The following SNX29 variants were observed in gnomAD, a reference collection of about 807,000 sequenced individuals.
SNX29 encodes sorting nexin-29.
SNX29 carries 78 observed loss-of-function variants against 102.1 expected under a neutral mutation model. The ratio of observed to expected loss-of-function variants is 0.76; its 90% CI spans 0.64 to 0.92. The LOEUF (loss-of-function observed/expected upper bound fraction) is 0.92. SNX29 is among the 40% of genes least tolerant of loss of function. The probability of loss-of-function intolerance (pLI) is 0.00; values close to 1 mark genes in which losing one functional copy is unlikely to be tolerated. For synonymous variants in SNX29, 580 were observed against 414.5 expected (o/e 1.40, Z -4.85); for missense variants, 1,280 against 1,061.7 (o/e 1.21, Z -2.86).
At chr16:12,205,784 C>G (rs375537178) in intron 14 of SNX29, among the ~76,000 whole-genome samples, 1 of 152,238 alleles carries the variant, frequency 6.6e-6, no homozygotes. Context: ...TTGTTTCTTC[C>G]CGGTGTTCCA....
chr16:12,291,757 G>A (rs988681113), intron 15 of SNX29, among the ~76,000 whole-genome samples: 3 of 152,228 alleles, frequency 2.0e-5, no homozygotes, highest in African/African-American at 7.2e-5. Flanking sequence ...ATGGAGAAGG[G>A]AGATTGGGGA....
intron 4 of SNX29, among the ~76,000 whole-genome samples, chr16:12,036,428 G>A (rs1467231268): frequency 4.0e-5 from 6 of 149,574 alleles, no homozygotes; most frequent in African/African-American, 7.4e-5. Context: ...TCCGCCTCCC[G>A]GATTCACGCC....
Position 12,247,332 on chromosome 16 carries a change from A to C in SNX29, c.1679-30601A>C, listed in dbSNP as rs140824116. ...AGTCCATGGCTTGCATTTTTCGACA[A>C]AACTCTATTATCAGGATATATTCCT... On this transcript the variant is annotated intron_variant, in intron 14 of 20. Transcript: ENST00000566228. 2.6e-4 allele frequency among the ~76,000 whole-genome samples: 39 copies of C among 152,324 alleles called. 1 individual carries two copies. The highest frequency in any genetic ancestry group is 9.1e-4 in the African/African-American group (38 of 41,574).
intron 11 of SNX29, among the ~76,000 whole-genome samples, chr16:12,112,419 G>A (rs2053535589): frequency 6.6e-6 from 1 of 152,190 alleles, no homozygotes. Context: ...CGTGGCTGCT[G>A]AGGTGGAGAT....
chr16:11,982,920 A>T (rs568622643), intron 1 of SNX29, among the ~76,000 whole-genome samples: 75 of 152,020 alleles, frequency 4.9e-4, no homozygotes, highest in Non-Finnish European at 5.7e-4. Flanking sequence ...TATTAAAAAA[A>T]ATTTTTTTTA....
chr16:12,424,567 G>A (rs1179356493), intron 18 of SNX29, among the ~76,000 whole-genome samples: 1 of 152,160 alleles, frequency 6.6e-6, no homozygotes, highest in Non-Finnish European at 1.5e-5. Context: ...ATCTTTATTA[G>A]CAGTAAGAGG....
intron 20 of SNX29, among the ~76,000 whole-genome samples, chr16:12,555,720 C>G (rs1263258815): frequency 1.3e-5 from 2 of 152,184 alleles, no homozygotes; most frequent in African/African-American, 4.8e-5. Flanking sequence ...CCTGATTGGC[C>G]CTTTCACTTT....
chr16:12,510,274 G>A (rs987230236), intron 19 of SNX29, among the ~76,000 whole-genome samples: 1 of 152,170 alleles, frequency 6.6e-6, no homozygotes, highest in African/African-American at 2.4e-5. Context: ...TTTACTGAGG[G>A]GTGTGTGCCT....
intron 11 of SNX29, among the ~76,000 whole-genome samples, chr16:12,104,639 G>T (rs1049001753): frequency 2.6e-5 from 4 of 151,870 alleles, no homozygotes; most frequent in African/African-American, 9.7e-5. Flanking sequence ...AGGTTCTCCA[G>T]ATCTCCAGGA....
At position 12,568,649 on chromosome 16, in the gene SNX29, A is replaced by G; in HGVS notation, c.*20A>G. ...CTCTGACCTCGACAAAACCGCAGCC[A>G]CGGGCCCTGTGCGTGGCACCAGCTG... is the stretch of plus-strand genomic sequence containing the variant. On this transcript the variant is annotated 3_prime_UTR_variant, in exon 21 of 21. Coordinates refer to ENST00000566228, the MANE Select transcript of SNX29 (RefSeq NM_032167.5). The G allele has an allele frequency of 6.3e-7, 1 of 1,599,770 alleles. No homozygotes were observed. The highest frequency in any genetic ancestry group is 8.5e-7 in the Non-Finnish European group (1 of 1,179,380).
Position 12,172,469 on chromosome 16 carries a change from ACC to A in SNX29, c.1596-27131_1596-27130del, listed in dbSNP as rs1452013642. On this transcript the variant is annotated intron_variant, in intron 13 of 20. Coordinates refer to ENST00000566228, the MANE Select transcript of SNX29 (RefSeq NM_032167.5). Reference sequence around the variant, plus strand: ...AAAGCTTGGGTGGGATCCCACCTCTACCATCTGGCAGAGGGGTCATCTTGGTC... The same window carrying A: ...AAAGCTTGGGTGGGATCCCACCTCTAATCTGGCAGAGGGGTCATCTTGGTC... Among the ~76,000 whole-genome samples, 3 of 152,198 alleles carry A rather than the reference ACC, an allele frequency of 2.0e-5. No homozygotes were observed. The East Asian group carries it at 5.8e-4, about 29-fold the overall frequency.
intron 4 of SNX29, chr16:12,038,746 A>C (rs1037054896): frequency 5.3e-5 from 8 of 152,350 alleles, no homozygotes; most frequent in African/African-American, 1.9e-4. Flanking sequence ...TGTAGATTCA[A>C]GGTCGGAGGG....
Position 12,562,319 on chromosome 16 carries a change from G to C in SNX29, c.2319-6187G>C, listed in dbSNP as rs185650591. On this transcript the variant is annotated intron_variant, in intron 20 of 20. Transcript: ENST00000566228. ...AACGTTATCGTTGGCTTTGTCCCAA[G>C]AACCTGCAGGGCAGATTCTGTGATT... Among the ~76,000 whole-genome samples the C allele has an allele frequency of 1.1e-4, 17 of 152,294 alleles. No homozygotes were observed. The East Asian group carries it at 3.1e-3, about 28-fold the overall frequency.
intron 13 of SNX29, among the ~76,000 whole-genome samples, 195 bp from the exon 14 acceptor site, chr16:12,199,406 G>A (rs532441957): frequency 1.3e-5 from 2 of 152,144 alleles, no homozygotes; most frequent in Admixed American, 6.5e-5. Context: ...AGTTCTTAAA[G>A]GCACTCTGCA....
intron 14 of SNX29, among the ~76,000 whole-genome samples, chr16:12,206,367 G>A (rs1267690653): frequency 2.5e-5 from 3 of 119,692 alleles, no homozygotes; most frequent in Non-Finnish European, 5.0e-5. Flanking sequence ...GCTGGTAAAT[G>A]TCTAACAAAT....
At chr16:12,509,323 T>C (rs1271366887) in intron 19 of SNX29, among the ~76,000 whole-genome samples, 1 of 152,084 alleles carries the variant, frequency 6.6e-6, no homozygotes, top group African/African-American at 2.4e-5. Flanking sequence ...AGCGAGCCCC[T>C]CAGCTGGTCC....
chr16:12,218,879 A>G (rs976597623), intron 14 of SNX29, among the ~76,000 whole-genome samples: 2 of 152,080 alleles, frequency 1.3e-5, no homozygotes, highest in African/African-American at 4.8e-5. Context: ...GGTTCACGCC[A>G]TTCTCCTGCC....
chr16:12,446,860 C>T (rs953845343), intron 18 of SNX29, among the ~76,000 whole-genome samples: 1 of 151,870 alleles, frequency 6.6e-6, no homozygotes, highest in Non-Finnish European at 1.5e-5. Context: ...TTTCTAAGGG[C>T]AGGATTGACA....
At chr16:12,204,203 G>C (rs1184684592) in intron 14 of SNX29, among the ~76,000 whole-genome samples, 1 of 152,198 alleles carries the variant, frequency 6.6e-6, no homozygotes, top group Non-Finnish European at 1.5e-5. Flanking sequence ...CCTGAATCCA[G>C]CTGTGCCTGG....
Sources: allele counts gnomAD v4.1 joint callset (sites outside exome capture counted in the v4.1 genomes callset), GRCh38; gene constraint gnomAD v4.1.1; transcripts MANE v1.5; gene names NCBI Gene and HGNC (gene_info 2026-07-23, HGNC 2026-07-21).